Variants in TMEM120B observed in about 807,000 individuals in gnomAD.
TMEM120B encodes the protein transmembrane protein 120B.
TMEM120B carries 31 observed loss-of-function variants against 55.5 expected under a neutral mutation model. That is an observed-to-expected ratio of 0.56 (90% confidence interval 0.42 to 0.75). The LOEUF (loss-of-function observed/expected upper bound fraction) is 0.75, where lower values mean the gene tolerates loss of function less well. Among genes scored for constraint, TMEM120B ranks in the 30% least tolerant of loss-of-function variants. The pLI, the probability that TMEM120B is intolerant of heterozygous loss-of-function variation, is 0.00. For synonymous variants in TMEM120B, 203 were observed against 176.3 expected (o/e 1.15, Z -1.20); for missense variants, 399 against 425.5 (o/e 0.94, Z 0.55).
At chr12:121,766,479 C>T (rs1873854543) in intron 6 of TMEM120B, among the ~76,000 whole-genome samples, 1 of 152,142 alleles carries the variant, frequency 6.6e-6, no homozygotes, top group Non-Finnish European at 1.5e-5. Flanking sequence ...TGGCCCCCAG[C>T]GGCCCCCAGG....
Position 121,740,425 on chromosome 12 carries a change from C to T in TMEM120B, c.70-3204C>T, listed in dbSNP as rs184014215. ...CTTGAACCCGGGGAGGTGAAGGTTGCAGTGATTCGAGATCATGCCACTGCA... is the reference window on the plus strand; with the variant it reads ...CTTGAACCCGGGGAGGTGAAGGTTGTAGTGATTCGAGATCATGCCACTGCA... On this transcript the variant is annotated intron_variant, in intron 1 of 11. Transcript: ENST00000449592. Among the ~76,000 whole-genome samples the T allele has an allele frequency of 4.9e-3, 739 of 151,504 alleles. 10 individuals are homozygous for T. Among genetic ancestry groups the T allele is most frequent in the African/African-American group, 0.017 (712 of 41,264 alleles).
intron 4 of TMEM120B, 52 bp from the exon 5 acceptor site, chr12:121,752,076 G>A: frequency 6.7e-7 from 1 of 1,501,586 alleles, no homozygotes; most frequent in South Asian, 1.1e-5. Flanking sequence ...ATGCCCAGGT[G>A]CTGGAATAGT....
In TMEM120B at chr12:121,735,794, G is replaced by A. The variant is rs546339074; in HGVS notation, c.70-7835G>A. Among the ~76,000 whole-genome samples the A allele has an allele frequency of 2.0e-3, 296 of 151,340 alleles. 1 individual carries two copies. Among genetic ancestry groups the A allele is most frequent in the African/African-American group, 6.7e-3 (275 of 41,206 alleles). On this transcript the variant is annotated intron_variant, in intron 1 of 11. Transcript: ENST00000449592. ...CAACCTCCGCCTCCTGGGTTCAAGT[G>A]AGTCTTCTGCCTCAGTCCCCTGAGT...
At chr12:121,772,348 T>TG (rs1331436320) in intron 8 of TMEM120B, among the ~76,000 whole-genome samples, 3 of 152,064 alleles carry the variant, frequency 2.0e-5, no homozygotes, top group Non-Finnish European at 2.9e-5. Context: ...CAGGGTGGTC[T>TG]GGAACTCCTG....
intron 8 of TMEM120B, among the ~76,000 whole-genome samples, chr12:121,772,039 C>T (rs111980091): frequency 1.8e-5 from 2 of 114,118 alleles, no homozygotes; most frequent in South Asian, 5.7e-4. Flanking sequence ...TTCTTTCTTT[C>T]TCTTTCTTTC....
chr12:121,718,882 C>G (rs1281378417), intron 1 of TMEM120B, among the ~76,000 whole-genome samples: 1 of 152,138 alleles, frequency 6.6e-6, no homozygotes, highest in East Asian at 1.9e-4. Context: ...ATGTCTGTGT[C>G]TGTGTGTGGA....
intron 1 of TMEM120B, among the ~76,000 whole-genome samples, chr12:121,717,626 T>C (rs1894723475): frequency 6.6e-6 from 1 of 152,168 alleles, no homozygotes; most frequent in African/African-American, 2.4e-5. Flanking sequence ...TGTTAGCTTT[T>C]GTTTCTCTTC....
At chr12:121,768,826 C>G (rs752959047) in intron 6 of TMEM120B, among the ~76,000 whole-genome samples, 18 of 152,120 alleles carry the variant, frequency 1.2e-4, no homozygotes, top group Non-Finnish European at 2.1e-4. Flanking sequence ...GGGTGACAAC[C>G]AGGCTCTACC....
At chr12:121,730,018 T>C (rs1210542051) in intron 1 of TMEM120B, among the ~76,000 whole-genome samples, 1 of 152,028 alleles carries the variant, frequency 6.6e-6, no homozygotes, top group Admixed American at 6.6e-5. Context: ...CCCAGCACTT[T>C]GGGTGGCTGA....
intron 6 of TMEM120B, among the ~76,000 whole-genome samples, chr12:121,763,437 C>T (rs1274797476): frequency 6.6e-6 from 1 of 151,998 alleles, no homozygotes; most frequent in Non-Finnish European, 1.5e-5. Flanking sequence ...GCTGGGATTA[C>T]AGGCGTGAGC....
At chr12:121,759,655 G>A (rs1275048725) in intron 5 of TMEM120B, among the ~76,000 whole-genome samples, 1 of 150,444 alleles carries the variant, frequency 6.6e-6, no homozygotes, top group Non-Finnish European at 1.5e-5. Context: ...TCCAGCCTGG[G>A]TGAAAGAGTG....
chr12:121,771,061 T>C (rs1052800150), intron 7 of TMEM120B, 89 bp downstream of exon 7: 16 of 1,420,458 alleles, frequency 1.1e-5, no homozygotes, highest in East Asian at 2.4e-5. Context: ...CAGACAGCGG[T>C]GGGGGGTGTG....
At chr12:121,749,304 C>T (rs1470324781) in intron 3 of TMEM120B, among the ~76,000 whole-genome samples, 5 of 152,216 alleles carry the variant, frequency 3.3e-5, no homozygotes, top group Non-Finnish European at 7.3e-5. Context: ...CAGTGTCATG[C>T]GTGTCTGCCT....
chr12:121,730,079 T>C (rs935821460), intron 1 of TMEM120B, among the ~76,000 whole-genome samples: 1 of 150,818 alleles, frequency 6.6e-6, no homozygotes, highest in African/African-American at 2.4e-5. Context: ...GCCAACATGG[T>C]GAAACCCCGT....
At chr12:121,756,784 C>T (rs1873486772) in intron 5 of TMEM120B, among the ~76,000 whole-genome samples, 1 of 152,240 alleles carries the variant, frequency 6.6e-6, no homozygotes, top group Non-Finnish European at 1.5e-5. Flanking sequence ...CCTTTGCTCA[C>T]AGAGTTCGTC....
At chr12:121,731,670 G>A (rs576201540) in intron 1 of TMEM120B, among the ~76,000 whole-genome samples, 2 of 152,274 alleles carry the variant, frequency 1.3e-5, no homozygotes, top group African/African-American at 2.4e-5. Flanking sequence ...TGACGGCATC[G>A]CCTAATAATG....
chr12:121,746,409 A>G lies in TMEM120B; in HGVS notation c.189-1917A>G, dbSNP rs970591209. Among the ~76,000 whole-genome samples the G allele has an allele frequency of 2.0e-5, 3 of 151,226 alleles. No homozygotes were observed. The East Asian group carries it at 5.8e-4, about 29-fold the overall frequency. Reference sequence around the variant, plus strand: ...TCCATATTGGTCATGCTGGTCTTGAACTCCCAACCTCAGGTGATCGGCCCA... The same window carrying G: ...TCCATATTGGTCATGCTGGTCTTGAGCTCCCAACCTCAGGTGATCGGCCCA... On this transcript the variant is annotated intron_variant, in intron 2 of 11. Coordinates refer to ENST00000449592, the MANE Select transcript of TMEM120B (RefSeq NM_001080825.2).
At chr12:121,753,435 G>T (rs1200023001) in intron 5 of TMEM120B, among the ~76,000 whole-genome samples, 1 of 152,092 alleles carries the variant, frequency 6.6e-6, no homozygotes, top group African/African-American at 2.4e-5. Flanking sequence ...GCCAGGCGTG[G>T]TGGTGGGTGC....
In TMEM120B at chr12:121,748,383, C is replaced by T. The variant is rs758093650; in HGVS notation, c.246C>T (p.Asn82=). 1.9e-6 allele frequency: 3 copies of T among 1,611,052 alleles called. No individual in the cohort carries two copies. The highest frequency in any genetic ancestry group is 3.3e-4 in the Middle Eastern group (2 of 6,050). The change falls in exon 3 of 12, where the codon AAC becomes AAT. Residue 82 remains asparagine, a synonymous_variant. Coordinates refer to ENST00000449592, the MANE Select transcript of TMEM120B (RefSeq NM_001080825.2). ...AGCTCGTTCAGCAGATGGCAGCGAACATCAAGGAGCGGCAGGACGTCTTCT... is the reference window on the plus strand; with the variant it reads ...AGCTCGTTCAGCAGATGGCAGCGAATATCAAGGAGCGGCAGGACGTCTTCT... ...EAELVQQMAA[N]IKERQDVFFD... is the part of the protein sequence containing the mutation.
Sources: gnomAD v4.1 joint callset for allele counts (sites outside exome capture counted in the v4.1 genomes callset) on GRCh38, gnomAD v4.1.1 for gene constraint, MANE v1.5 for transcripts, NCBI Gene and HGNC (gene_info 2026-07-23, HGNC 2026-07-21) for gene names.